The following AARS1 variants were observed in gnomAD, a reference collection of about 807,000 sequenced individuals.
AARS1 encodes alanine--tRNA ligase, cytoplasmic.
AARS1 carries 72 observed loss-of-function variants against 108.9 expected under a neutral mutation model. The observed-to-expected ratio is 0.66, with a 90% confidence interval of 0.55 to 0.80. The LOEUF (loss-of-function observed/expected upper bound fraction) is 0.80. AARS1 is among the 30% of genes least tolerant of loss of function. AARS1 has a pLI of 0.00. For missense variants in AARS1, 1,193 were observed against 1,233.2 expected (o/e 0.97, Z 0.49); for synonymous variants, 489 against 465.7 (o/e 1.05, Z -0.64).
chr16:70,264,622 T>C (rs746866543), intron 11 of AARS1, among the ~76,000 whole-genome samples: 1 of 152,116 alleles, frequency 6.6e-6, no homozygotes, highest in Non-Finnish European at 1.5e-5. Flanking sequence ...AGGCCCCTAA[T>C]AGCATTCTGA....
chr16:70,263,296 G>C (rs959408438), intron 11 of AARS1, among the ~76,000 whole-genome samples: 5 of 152,174 alleles, frequency 3.3e-5, no homozygotes. Flanking sequence ...TCTCAGCCGG[G>C]CACGGTGGCT....
chr16:70,265,239 G>T, intron 10 of AARS1, 137 bp from the exon 11 acceptor site: 1 of 1,174,220 alleles, frequency 8.5e-7, no homozygotes, highest in South Asian at 1.3e-5. Context: ...TGACATTTGG[G>T]GCCAGATCAT....
chr16:70,253,010 G>C, intron 20 of AARS1, 104 bp from the exon 21 acceptor site: 1 of 1,303,156 alleles, frequency 7.7e-7, no homozygotes, highest in Non-Finnish European at 1.1e-6. Context: ...CCTTGCCCTG[G>C]GTGATACTGC....
chr16:70,279,139 C>G (rs965167873), intron 2 of AARS1, among the ~76,000 whole-genome samples: 1 of 151,098 alleles, frequency 6.6e-6, no homozygotes, highest in Admixed American at 6.6e-5. Context: ...ATCACAAGGT[C>G]AGGAGTTCGA....
intron 13 of AARS1, among the ~76,000 whole-genome samples, chr16:70,259,877 A>G (rs1249373125): frequency 6.6e-6 from 1 of 151,792 alleles, no homozygotes; most frequent in Non-Finnish European, 1.5e-5. Flanking sequence ...AGTTCAAGCG[A>G]TTCTCCTGCC....
At chr16:70,266,580 G>C (rs1485631715) in intron 9 of AARS1, among the ~76,000 whole-genome samples, 2 of 151,668 alleles carry the variant, frequency 1.3e-5, no homozygotes, top group Admixed American at 6.6e-5. Context: ...GGAGTGTACT[G>C]GTGTGATCTC....
In AARS1 at chr16:70,253,797, A is replaced by T; in HGVS notation, c.2524T>A (p.Leu842Ile). The T allele has an allele frequency of 6.2e-7, 1 of 1,614,202 alleles. No homozygotes were observed. Among genetic ancestry groups the T allele is most frequent in the East Asian group, 2.2e-5 (1 of 44,884 alleles). Residue 842 changes from leucine to isoleucine, a missense_variant, in exon 19 of 21, where the codon TTA (leucine) becomes ATA (isoleucine). Leu to Ile is a conservative substitution (Grantham distance 5). Transcript: ENST00000261772. ...ASKADVQKRV[L>I]EKTKQFIDSN... is the part of the protein sequence containing the mutation. Reference sequence around the variant, plus strand: ...TCGATGAACTGCTTCGTCTTCTCTAACACCTGCAAGAAAAAAGTCCAGAAC... The same window carrying T: ...TCGATGAACTGCTTCGTCTTCTCTATCACCTGCAAGAAAAAAGTCCAGAAC...
Position 70,259,230 on chromosome 16 carries a change from G to A in AARS1, c.1786-44C>T, listed in dbSNP as rs759201092. The A allele has an allele frequency of 1.2e-5, 19 of 1,570,052 alleles. No individual in the cohort carries two copies. In the Admixed American group the frequency reaches 3.0e-4, roughly 25 times the overall value. On this transcript the variant is annotated intron_variant, in intron 13 of 20. Coordinates refer to ENST00000261772, the MANE Select transcript of AARS1 (RefSeq NM_001605.3). ...CTCATGGAGAGGTCTGTAATAGACT[G>A]CTAGTTATCTCCTCGTTATCTGCTC...
At chr16:70,252,930 G>T in intron 20 of AARS1, 24 bp from the exon 21 acceptor site, 1 of 1,612,354 alleles carries the variant, frequency 6.2e-7, no homozygotes, top group Non-Finnish European at 8.5e-7. Flanking sequence ...AGGGAAGGGG[G>T]AGTCAGCACA....
At chr16:70,270,851 AAAAAG>A (rs1960381036) in intron 5 of AARS1, among the ~76,000 whole-genome samples, 2 of 123,368 alleles carry the variant, frequency 1.6e-5, no homozygotes, top group South Asian at 2.3e-4. Context: ...AAAAAAAAAA[AAAAAG>A]AAAAGAAAAA....
rs1274051808 is a variant in AARS1, at chr16:70,252,691, G to A, written c.*30C>T. 6 of 1,611,966 alleles carry A rather than the reference G, an allele frequency of 3.7e-6. No individual in the cohort carries two copies. The highest frequency in any genetic ancestry group is 1.1e-5 in the South Asian group (1 of 90,876). On this transcript the variant is annotated 3_prime_UTR_variant, in exon 21 of 21. Transcript: ENST00000261772. ...ATGAAGAGCTCTTGGCTGGACGGAT[G>A]GATCCAGTGGGAGCCTCCTCCTTCC...
intron 10 of AARS1, 76 bp from the exon 11 acceptor site, chr16:70,265,178 A>C (rs1489732899): frequency 6.4e-7 from 1 of 1,573,630 alleles, no homozygotes; most frequent in Admixed American, 1.7e-5. Context: ...AACTTGCTAA[A>C]CTATGCCCAG....
chr16:70,287,254 C>CAGAAA (rs1491512617), intron 1 of AARS1, among the ~76,000 whole-genome samples: 2 of 39,430 alleles, frequency 5.1e-5, no homozygotes, highest in Non-Finnish European at 9.1e-5. Flanking sequence ...GACTCCGTCT[C>CAGAAA]AAAAAAAAAA....
At chr16:70,287,783 G>C (rs1960887927) in intron 1 of AARS1, among the ~76,000 whole-genome samples, 1 of 151,988 alleles carries the variant, frequency 6.6e-6, no homozygotes, top group South Asian at 2.1e-4. Context: ...TTTTTTTTGA[G>C]ACGGTGTTTC....
intron 2 of AARS1, 91 bp downstream of exon 2, chr16:70,282,529 A>G: frequency 2.0e-6 from 3 of 1,502,156 alleles, no homozygotes; most frequent in South Asian, 1.1e-5. Flanking sequence ...TGACAGAACC[A>G]GAATCGGTCT....
intron 2 of AARS1, among the ~76,000 whole-genome samples, chr16:70,280,240 G>A (rs147568833): frequency 1.3e-5 from 2 of 151,864 alleles, no homozygotes; most frequent in Admixed American, 6.6e-5. Flanking sequence ...TTTTTGAGAC[G>A]GAGTCTCACT....
intron 1 of AARS1, among the ~76,000 whole-genome samples, chr16:70,286,611 G>A (rs1014499513): frequency 2.0e-5 from 3 of 152,050 alleles, no homozygotes; most frequent in Admixed American, 2.0e-4. Flanking sequence ...GTCGAGGCGG[G>A]TGGATCACAA....
chr16:70,274,598 C>T (rs946430470), intron 4 of AARS1, among the ~76,000 whole-genome samples: 1 of 151,800 alleles, frequency 6.6e-6, no homozygotes, highest in Non-Finnish European at 1.5e-5. Flanking sequence ...GTAGTGTGTG[C>T]CTATAATCCC....
In AARS1 at chr16:70,271,138, G is replaced by A. The variant is rs983102464; in HGVS notation, c.671+643C>T. 9.2e-5 allele frequency among the ~76,000 whole-genome samples: 14 copies of A among 152,078 alleles called. 1 individual carries two copies. Among genetic ancestry groups the A allele is most frequent in the Admixed American group, 2.0e-4 (3 of 15,224 alleles). On this transcript the variant is annotated intron_variant, in intron 5 of 20. Coordinates refer to ENST00000261772, the MANE Select transcript of AARS1 (RefSeq NM_001605.3). ...TGCAGTGGGCTGAGATCTTGCCACTGCACTCCAGCCTGGGTGACAGAGCAA... is the reference window on the plus strand; with the variant it reads ...TGCAGTGGGCTGAGATCTTGCCACTACACTCCAGCCTGGGTGACAGAGCAA...
Sources: gnomAD v4.1 joint callset for allele counts (sites outside exome capture counted in the v4.1 genomes callset) on GRCh38, gnomAD v4.1.1 for gene constraint, MANE v1.5 for transcripts, NCBI Gene and HGNC (gene_info 2026-07-23, HGNC 2026-07-21) for gene names.